FAM117A: variants seen among roughly 807,000 people sequenced by gnomAD.
The protein encoded by FAM117A is family with sequence similarity 117 member A.
Under a neutral mutation model 44.1 loss-of-function variants are expected in FAM117A, and 21 were observed. The observed-to-expected ratio is 0.48, with a 90% CI of 0.34 to 0.69. The LOEUF (loss-of-function observed/expected upper bound fraction) is 0.69. Ranked by LOEUF, FAM117A falls within the 30% of genes least tolerant of loss-of-function variation. The probability of loss-of-function intolerance (pLI) is 0.01; values close to 1 mark genes in which losing one functional copy is unlikely to be tolerated. For synonymous variants in FAM117A, 220 were observed against 238.3 expected (o/e 0.92, Z 0.71); for missense variants, 498 against 589.9 (o/e 0.84, Z 1.61).
chr17:49,725,748 A>G lies in FAM117A; in HGVS notation c.367-3154T>C, dbSNP rs374757367. On this transcript the variant is annotated intron_variant, in intron 2 of 7. Coordinates refer to ENST00000240364, the MANE Select transcript of FAM117A (RefSeq NM_030802.4). The stretch of plus-strand genomic sequence containing the variant: ...AAAAACAGCTCCTCAAAGATGAGGA[A>G]CCTATAAATGTTACCTTGTATAGTA... Among the ~76,000 whole-genome samples the G allele has an allele frequency of 8.5e-5, 13 of 152,346 alleles. No homozygotes were observed. In the East Asian group the frequency reaches 2.5e-3, roughly 29 times the overall value.
intron 7 of FAM117A, among the ~76,000 whole-genome samples, chr17:49,711,861 G>C (rs1424864218): frequency 1.3e-5 from 2 of 152,220 alleles, no homozygotes; most frequent in South Asian, 4.1e-4. Flanking sequence ...GATTTCATCA[G>C]TGGCCGGGCA....
At chr17:49,776,030 C>T (rs991138292) in intron 1 of FAM117A, among the ~76,000 whole-genome samples, 2 of 152,134 alleles carry the variant, frequency 1.3e-5, no homozygotes, top group Non-Finnish European at 1.5e-5. Context: ...CACCACCCCC[C>T]TCCCTTCATA....
chr17:49,746,472 A>G (rs2073654699), intron 1 of FAM117A, among the ~76,000 whole-genome samples: 1 of 152,256 alleles, frequency 6.6e-6, no homozygotes, highest in African/African-American at 2.4e-5. Context: ...AAGCATGGAT[A>G]AGGCTGAGGC....
chr17:49,769,494 C>T (rs2073754836), intron 1 of FAM117A, among the ~76,000 whole-genome samples: 1 of 151,574 alleles, frequency 6.6e-6, no homozygotes, highest in African/African-American at 2.4e-5. Flanking sequence ...GTCAGGAGAT[C>T]GAGACCATCT....
At chr17:49,768,360 C>T (rs1038666192), upstream of FAM117A, among the ~76,000 whole-genome samples, 8 of 152,138 alleles carry the variant, frequency 5.3e-5, no homozygotes, top group African/African-American at 1.9e-4. Flanking sequence ...ATGGGAGTTT[C>T]AAATCACCAT....
intron 1 of FAM117A, among the ~76,000 whole-genome samples, chr17:49,785,365 A>T (rs371011400): frequency 4.8e-4 from 73 of 152,310 alleles, no homozygotes; most frequent in African/African-American, 1.7e-3. Flanking sequence ...TTTAAAAATT[A>T]GCCAGGCATG....
chr17:49,782,101 CGT>C (rs1279709811), intron 1 of FAM117A, among the ~76,000 whole-genome samples: 7 of 151,974 alleles, frequency 4.6e-5, no homozygotes, highest in African/African-American at 1.7e-4. Context: ...TTGGGTCAGG[CGT>C]GGTGGCTCAC....
intron 1 of FAM117A, among the ~76,000 whole-genome samples, chr17:49,774,396 G>T (rs1216868990): frequency 7.0e-6 from 1 of 143,878 alleles, no homozygotes; most frequent in Non-Finnish European, 1.5e-5. Context: ...GTCTCGCTCT[G>T]TCATGCAGGC....
At chr17:49,772,749 CA>C (rs1157591935) in intron 1 of FAM117A, among the ~76,000 whole-genome samples, 22 of 141,498 alleles carry the variant, frequency 1.6e-4, no homozygotes, top group Admixed American at 3.5e-4. Context: ...GAGACTCTGT[CA>C]AAAAAAAAAA....
At chr17:49,782,168 G>C (rs1221368351) in intron 1 of FAM117A, among the ~76,000 whole-genome samples, 1 of 151,872 alleles carries the variant, frequency 6.6e-6, no homozygotes, top group East Asian at 1.9e-4. Flanking sequence ...GAGGTCAGGA[G>C]ATCGAGACCA....
intron 1 of FAM117A, among the ~76,000 whole-genome samples, chr17:49,779,831 G>C (rs1431877491): frequency 6.6e-6 from 1 of 152,252 alleles, no homozygotes; most frequent in Non-Finnish European, 1.5e-5. Context: ...TCTAAAGCCA[G>C]TCCTTTCCTT....
At chr17:49,720,045 T>A in intron 4 of FAM117A, 151 bp from the exon 5 acceptor site, 4 of 1,122,050 alleles carry the variant, frequency 3.6e-6, no homozygotes, top group Non-Finnish European at 3.7e-6. Context: ...ATAGGTCCAC[T>A]CAGGGCAGTT....
intron 1 of FAM117A, among the ~76,000 whole-genome samples, chr17:49,755,038 C>CAAAAAA (rs199709334): frequency 2.3e-5 from 1 of 43,248 alleles, no homozygotes; most frequent in Non-Finnish European, 4.8e-5. Context: ...AACTCCGTCT[C>CAAAAAA]AAAAAAAAAA....
At chr17:49,712,481 C>T (rs1002432627) in intron 7 of FAM117A, among the ~76,000 whole-genome samples, 3 of 152,272 alleles carry the variant, frequency 2.0e-5, no homozygotes, top group Non-Finnish European at 2.9e-5. Flanking sequence ...AATTGTTGGG[C>T]ACATTTGAAA....
At chr17:49,727,593 C>G (rs899951751) in intron 2 of FAM117A, among the ~76,000 whole-genome samples, 1 of 152,082 alleles carries the variant, frequency 6.6e-6, no homozygotes, top group Non-Finnish European at 1.5e-5. Flanking sequence ...ACCAAGGAAG[C>G]CTTGCCTGGG....
rs944900039 is a variant in FAM117A at position 49,711,068 on chromosome 17, T to C, written c.*187A>G. The C allele has an allele frequency of 1.8e-6, 1 of 565,730 alleles. No individual in the cohort carries two copies. The highest frequency in any genetic ancestry group is 1.9e-5 in the African/African-American group (1 of 52,498). The allele number at this position is 565,730 out of a possible 1,614,324, so 35.0% of individuals were successfully genotyped here. ...CCCAGCTACTAGTGGAGAAGGCAGG[T>C]CCCATCACGTTCAGAGGGGCCGGTG... On this transcript the variant is annotated 3_prime_UTR_variant, in exon 8 of 8. Coordinates refer to ENST00000240364, the MANE Select transcript of FAM117A (RefSeq NM_030802.4).
intron 7 of FAM117A, 131 bp downstream of exon 7, chr17:49,716,034 T>C: frequency 1.0e-6 from 1 of 982,130 alleles, no homozygotes; most frequent in Admixed American, 2.5e-5. Flanking sequence ...CGTTTGATCA[T>C]GGAAAGCTGG....
upstream of FAM117A, among the ~76,000 whole-genome samples, chr17:49,768,892 GCT>G (rs2073752868): frequency 6.6e-6 from 1 of 152,144 alleles, no homozygotes; most frequent in African/African-American, 2.4e-5. Context: ...TGTCTTCTTA[GCT>G]CTCTCACTTG....
chr17:49,719,186 G>T (rs546745100), intron 5 of FAM117A, among the ~76,000 whole-genome samples: 1 of 152,068 alleles, frequency 6.6e-6, no homozygotes, highest in African/African-American at 2.4e-5. Flanking sequence ...GCTTGAACCC[G>T]GGAGGCGGAG....
Sources: allele counts gnomAD v4.1 joint callset (sites outside exome capture counted in the v4.1 genomes callset), GRCh38; gene constraint gnomAD v4.1.1; transcripts MANE v1.5; gene names NCBI Gene and HGNC (gene_info 2026-07-23, HGNC 2026-07-21).